The following PDE11A variants were observed in gnomAD, a reference collection of about 807,000 sequenced individuals.
PDE11A encodes the protein dual 3',5'-cyclic-AMP and -GMP phosphodiesterase 11A.
In PDE11A, 100 loss-of-function variants were observed where a neutral mutation model predicts 100.5. That is an observed-to-expected ratio of 1.00 (90% CI 0.85 to 1.18). PDE11A has a LOEUF of 1.18. PDE11A is among the 50% of genes most tolerant of loss of function. The pLI is 0.00. For synonymous variants in PDE11A, 381 were observed against 420.8 expected (o/e 0.91, Z 1.16); for missense variants, 1,141 against 1,152.6 (o/e 0.99, Z 0.15).
chr2:177,818,774 G>T (rs190592241), intron 7 of PDE11A, among the ~76,000 whole-genome samples: 207 of 151,822 alleles, frequency 1.4e-3, no homozygotes, highest in Non-Finnish European at 9.9e-4. Context: ...AGATGTTTTA[G>T]GGCATGACTT....
chr2:177,925,916 G>T (rs997010745), intron 2 of PDE11A, among the ~76,000 whole-genome samples: 1 of 152,208 alleles, frequency 6.6e-6, no homozygotes, highest in African/African-American at 2.4e-5. Flanking sequence ...TGTTGCAGAG[G>T]GGGAGAATCA....
At chr2:177,928,071 T>A (rs1257346104) in intron 2 of PDE11A, among the ~76,000 whole-genome samples, 158 of 129,894 alleles carry the variant, frequency 1.2e-3, no homozygotes, top group African/African-American at 1.6e-3. Flanking sequence ...GCCATTGCAC[T>A]CCAGCCTGGG....
At chr2:177,833,582 C>A (rs1024851403) in intron 6 of PDE11A, among the ~76,000 whole-genome samples, 1 of 152,200 alleles carries the variant, frequency 6.6e-6, no homozygotes, top group Non-Finnish European at 1.5e-5. Context: ...ACCAGCTCCC[C>A]AAGTCTCCAT....
intron 2 of PDE11A, among the ~76,000 whole-genome samples, chr2:177,918,034 G>A (rs899864932): frequency 3.9e-5 from 6 of 152,138 alleles, no homozygotes; most frequent in Non-Finnish European, 7.3e-5. Flanking sequence ...CACAAAAGTG[G>A]TACCTAGTAA....
intron 2 of PDE11A, among the ~76,000 whole-genome samples, chr2:177,961,515 C>T (rs556021188): frequency 2.5e-4 from 38 of 152,252 alleles, no homozygotes; most frequent in South Asian, 4.1e-4. Context: ...CTACCTGTTA[C>T]GTTTTGGTCT....
chr2:177,737,945 C>A (rs983034511), intron 10 of PDE11A, among the ~76,000 whole-genome samples: 11 of 152,162 alleles, frequency 7.2e-5, no homozygotes, highest in Non-Finnish European at 1.5e-4. Context: ...GCTTGATAAT[C>A]CTGCTGGAAG....
At chr2:177,683,966 TTAGA>T (rs1287707762) in intron 15 of PDE11A, among the ~76,000 whole-genome samples, 1 of 152,202 alleles carries the variant, frequency 6.6e-6, no homozygotes, top group Non-Finnish European at 1.5e-5. Flanking sequence ...TTTGGCCCTG[TTAGA>T]TACTCAATAC....
At chr2:177,700,984 A>G (rs769742302) in intron 14 of PDE11A, 137 bp downstream of exon 14, 1 of 715,014 alleles carries the variant, frequency 1.4e-6, no homozygotes. Flanking sequence ...AAAAGCTACT[A>G]AGGCCCATTA....
intron 9 of PDE11A, among the ~76,000 whole-genome samples, chr2:177,798,891 G>T (rs1033144580): frequency 6.6e-6 from 1 of 152,160 alleles, no homozygotes; most frequent in African/African-American, 2.4e-5. Context: ...TCCTTCTAAA[G>T]ACTACAGTGT....
At chr2:177,896,170 T>C (rs2084608985) in intron 4 of PDE11A, among the ~76,000 whole-genome samples, 1 of 152,120 alleles carries the variant, frequency 6.6e-6, no homozygotes, top group African/African-American at 2.4e-5. Flanking sequence ...GCTGTTATCG[T>C]TTGTACCATC....
intron 9 of PDE11A, among the ~76,000 whole-genome samples, chr2:177,772,753 A>G (rs980385358): frequency 2.6e-5 from 4 of 151,986 alleles, no homozygotes; most frequent in African/African-American, 9.7e-5. Context: ...AAATTGAAAC[A>G]ATTTGAAACA....
intron 2 of PDE11A, among the ~76,000 whole-genome samples, chr2:177,961,844 C>T (rs568448531): frequency 6.6e-6 from 1 of 151,788 alleles, no homozygotes; most frequent in Admixed American, 6.6e-5. Flanking sequence ...TTTGGGAGGC[C>T]GAGGTTAGAA....
chr2:177,948,022 T>C (rs1006508429), intron 2 of PDE11A, among the ~76,000 whole-genome samples: 5 of 151,892 alleles, frequency 3.3e-5, no homozygotes, highest in African/African-American at 1.2e-4. Context: ...GGTAGGTAAT[T>C]GTATGTGTGC....
chr2:177,902,241 G>A (rs371751246), intron 3 of PDE11A, among the ~76,000 whole-genome samples: 3 of 149,550 alleles, frequency 2.0e-5, no homozygotes, highest in Non-Finnish European at 3.0e-5. Context: ...ATTCTCCCCC[G>A]CCCTTAAGAA....
At chr2:177,806,711 T>C (rs899385172) in intron 9 of PDE11A, among the ~76,000 whole-genome samples, 5 of 152,132 alleles carry the variant, frequency 3.3e-5, no homozygotes, top group African/African-American at 1.2e-4. Flanking sequence ...CCCTTGATGT[T>C]AGAATTAAAG....
Position 177,847,137 on chromosome 2 carries a change from AC to A in PDE11A, c.1368-6755del, listed in dbSNP as rs1186703220. Among the ~76,000 whole-genome samples, 3 of 149,394 alleles carry A rather than the reference AC, an allele frequency of 2.0e-5. No homozygotes were observed. The East Asian group carries it at 5.9e-4, about 29-fold the overall frequency. On this transcript the variant is annotated intron_variant, in intron 5 of 19. Coordinates refer to ENST00000286063, the MANE Select transcript of PDE11A (RefSeq NM_016953.4). ...TCGTACCATGCCAGCCCTAGATGTA[AC>A]CCCCCTTGTTAATAGTCCTTTGGAG...
In PDE11A at chr2:178,072,096, C is replaced by A. The variant is rs753356596; in HGVS notation, c.342G>T (p.Arg114=). Residue 114 remains arginine (R), a synonymous_variant, in exon 1 of 20, where the codon CGG becomes CGT. Coordinates refer to ENST00000286063, the MANE Select transcript of PDE11A (RefSeq NM_016953.4). ...TCCTTAGCTCTTTCTGAGAAGCTCT[C>A]CGCTGCAGGTTCCCATCGCCCCTGC... The part of the protein sequence containing the change: ...GGSRGDGNLQ[R]RASQKELRKS... The A allele has an allele frequency of 1.9e-6, 3 of 1,614,118 alleles. No homozygotes were observed.
chr2:177,843,653 A>G (rs2083527905), intron 5 of PDE11A, among the ~76,000 whole-genome samples: 2 of 152,230 alleles, frequency 1.3e-5, no homozygotes, highest in African/African-American at 4.8e-5. Context: ...TGAACAGTGT[A>G]GAAGGAATAT....
chr2:177,942,840 C>T (rs963106893), intron 2 of PDE11A, among the ~76,000 whole-genome samples: 10 of 152,164 alleles, frequency 6.6e-5, no homozygotes, highest in African/African-American at 2.4e-4. Context: ...TCTTGCAAAA[C>T]TGAAACTTTA....
Sources: gnomAD v4.1 joint callset for allele counts (sites outside exome capture counted in the v4.1 genomes callset) on GRCh38, gnomAD v4.1.1 for gene constraint, MANE v1.5 for transcripts, NCBI Gene and HGNC (gene_info 2026-07-23, HGNC 2026-07-21) for gene names.